KCNN2: variants seen among roughly 807,000 people sequenced by gnomAD.
The protein encoded by KCNN2 is small conductance calcium-activated potassium channel protein 2.
Under a neutral mutation model 55.5 loss-of-function variants are expected in KCNN2, and 24 were observed. The ratio of observed to expected loss-of-function variants is 0.43; its 90% CI spans 0.31 to 0.61. KCNN2 has a LOEUF of 0.61. KCNN2 is among the 20% of genes least tolerant of loss of function. The probability of loss-of-function intolerance (pLI) is 0.08; values close to 1 mark genes in which losing one functional copy is unlikely to be tolerated. For missense variants in KCNN2, 754 were observed against 853.6 expected (o/e 0.88, Z 1.45); for synonymous variants, 431 against 336.1 (o/e 1.28, Z -3.09).
At chr5:114,080,893 C>A (rs1750799454) in intron 1 of KCNN2, among the ~76,000 whole-genome samples, 1 of 152,092 alleles carries the variant, frequency 6.6e-6, no homozygotes, top group African/African-American at 2.4e-5. Flanking sequence ...GTAAAATTAT[C>A]TCTGTTCAGA....
At chr5:114,108,458 C>T (rs1275263268) in intron 1 of KCNN2, among the ~76,000 whole-genome samples, 4 of 151,936 alleles carry the variant, frequency 2.6e-5, no homozygotes, top group Non-Finnish European at 5.9e-5. Context: ...GTTTTGCCCA[C>T]ATATTAAAAA....
At chr5:114,396,896 C>T (rs935621369) in intron 2 of KCNN2, among the ~76,000 whole-genome samples, 1 of 152,140 alleles carries the variant, frequency 6.6e-6, no homozygotes, top group African/African-American at 2.4e-5. Flanking sequence ...CTCAGGTAGG[C>T]CCTGGTGTCT....
chr5:114,236,921 A>C (rs1754508203), intron 2 of KCNN2, among the ~76,000 whole-genome samples: 1 of 152,106 alleles, frequency 6.6e-6, no homozygotes, highest in Admixed American at 6.6e-5. Context: ...CATATTTTGC[A>C]TGTTACTAGT....
intron 3 of KCNN2, among the ~76,000 whole-genome samples, chr5:114,447,359 G>C (rs148206146): frequency 1.7e-4 from 26 of 152,300 alleles, no homozygotes; most frequent in African/African-American, 5.3e-4. Flanking sequence ...ATTGTATTTG[G>C]CTAAGAGTTT....
At chr5:114,160,960 T>C (rs1242816351) in intron 1 of KCNN2, among the ~76,000 whole-genome samples, 1 of 152,198 alleles carries the variant, frequency 6.6e-6, no homozygotes, top group Non-Finnish European at 1.5e-5. Flanking sequence ...CTTTATCCAA[T>C]TTGCCAGTCT....
At chr5:114,423,112 T>C (rs1405660578) in intron 3 of KCNN2, among the ~76,000 whole-genome samples, 1 of 152,224 alleles carries the variant, frequency 6.6e-6, no homozygotes, top group Non-Finnish European at 1.5e-5. Context: ...CATGGAGTAC[T>C]ATACCACTGA....
At chr5:114,413,177 A>G (rs1204775373) in intron 3 of KCNN2, among the ~76,000 whole-genome samples, 3 of 152,210 alleles carry the variant, frequency 2.0e-5, no homozygotes, top group Non-Finnish European at 2.9e-5. Context: ...TTGCCAAATA[A>G]ATTGGTCATT....
intron 2 of KCNN2, among the ~76,000 whole-genome samples, chr5:114,240,618 G>A (rs1238897318): frequency 6.6e-6 from 1 of 151,940 alleles, no homozygotes; most frequent in East Asian, 1.9e-4. Context: ...TTTTAGTAAA[G>A]ACGGGTTTCG....
chr5:114,118,473 G>A (rs1751762711), intron 1 of KCNN2, among the ~76,000 whole-genome samples: 1 of 152,128 alleles, frequency 6.6e-6, no homozygotes, highest in African/African-American at 2.4e-5. Flanking sequence ...AACCAGAGGT[G>A]TAAATCCTAG....
At chr5:114,251,990 C>T (rs1423814001) in intron 2 of KCNN2, among the ~76,000 whole-genome samples, 1 of 151,010 alleles carries the variant, frequency 6.6e-6, no homozygotes, top group African/African-American at 2.4e-5. Context: ...GCAATTCTCC[C>T]ACCTCAGCCT....
At position 114,383,609 on chromosome 5, in the gene KCNN2, C is replaced by G. The variant is rs578128745; in HGVS notation, c.1218+19608C>G. 2.6e-5 allele frequency among the ~76,000 whole-genome samples: 4 copies of G among 151,990 alleles called. No individual in the cohort carries two copies. The South Asian group carries it at 8.3e-4, about 32-fold the overall frequency. On this transcript the variant is annotated intron_variant, in intron 2 of 7. Transcript: ENST00000673685. The stretch of plus-strand genomic sequence containing the variant: ...TCCGCTTCCCAAGTAGCTGGGATTA[C>G]AGGCGGGCGCAGCCATGCTGGCTAA...
At chr5:114,121,375 C>A (rs1276598977) in intron 1 of KCNN2, among the ~76,000 whole-genome samples, 1 of 152,148 alleles carries the variant, frequency 6.6e-6, no homozygotes, top group African/African-American at 2.4e-5. Context: ...TTGATGTGAT[C>A]ATTCCAGGTA....
intron 5 of KCNN2, among the ~76,000 whole-genome samples, chr5:114,479,337 G>T (rs192955030): frequency 6.6e-6 from 1 of 152,042 alleles, no homozygotes; most frequent in Non-Finnish European, 1.5e-5. Flanking sequence ...TAATGGTAAA[G>T]GGTTCAATTC....
intron 2 of KCNN2, among the ~76,000 whole-genome samples, chr5:114,243,832 C>T (rs955718041): frequency 1.3e-5 from 2 of 152,124 alleles, no homozygotes; most frequent in African/African-American, 4.8e-5. Context: ...TACAGAACAC[C>T]AAAGCAGGTT....
At chr5:114,389,463 G>A (rs1036635934) in intron 2 of KCNN2, among the ~76,000 whole-genome samples, 4 of 152,096 alleles carry the variant, frequency 2.6e-5, no homozygotes, top group African/African-American at 9.7e-5. Flanking sequence ...CTAAGCCTCA[G>A]TTTTCTCTTC....
intron 1 of KCNN2, among the ~76,000 whole-genome samples, chr5:114,106,821 CAGT>C (rs1196505939): frequency 6.6e-6 from 1 of 151,914 alleles, no homozygotes; most frequent in Non-Finnish European, 1.5e-5. Flanking sequence ...CTCTGCCACT[CAGT>C]GGTTTGACTT....
intron 6 of KCNN2, among the ~76,000 whole-genome samples, chr5:114,491,544 A>G (rs1187575666): frequency 2.0e-5 from 3 of 151,182 alleles, no homozygotes; most frequent in Non-Finnish European, 4.4e-5. Flanking sequence ...AAAAAAAAAA[A>G]AAAAGCAGGT....
intron 1 of KCNN2, among the ~76,000 whole-genome samples, chr5:114,202,605 G>A (rs182640924): frequency 0.045 from 2,681 of 59,204 alleles, 103 homozygotes; most frequent in African/African-American, 0.14. Flanking sequence ...TTTTTTTCCC[G>A]AGACAGAGTC....
intron 2 of KCNN2, among the ~76,000 whole-genome samples, chr5:114,352,657 T>C (rs1377010489): frequency 6.6e-6 from 1 of 151,894 alleles, no homozygotes; most frequent in East Asian, 1.9e-4. Context: ...TATTTTCTAA[T>C]TCCCATTGTG....
Sources: gnomAD v4.1 joint callset for allele counts (sites outside exome capture counted in the v4.1 genomes callset) on GRCh38, gnomAD v4.1.1 for gene constraint, MANE v1.5 for transcripts, NCBI Gene and HGNC (gene_info 2026-07-23, HGNC 2026-07-21) for gene names.